Variants in CYP4F12 observed in about 807,000 individuals in gnomAD.
CYP4F12 encodes cytochrome P450 4F12.
In CYP4F12, 60 loss-of-function variants were observed where a neutral mutation model predicts 56.5. The observed-to-expected ratio is 1.06, with a 90% confidence interval of 0.86 to 1.32. CYP4F12 has a LOEUF of 1.32. CYP4F12 is among the 40% of genes most tolerant of loss of function. The pLI is 0.00. For synonymous variants in CYP4F12, 263 were observed against 264.9 expected (o/e 0.99, Z 0.07); for missense variants, 711 against 683.5 (o/e 1.04, Z -0.45).
chr19:15,697,040 C>A lies in CYP4F12; in HGVS notation c.1530C>A (p.Gly510=). 1 of 1,614,070 alleles carries A rather than the reference C, an allele frequency of 6.2e-7. No individual in the cohort carries two copies. The highest frequency in any genetic ancestry group is 8.5e-7 in the Non-Finnish European group (1 of 1,179,926). ...RKLELIMRAE[G]GLWLRVEPLN... is the part of the protein sequence containing the mutation. ...TGGAATTGATCATGCGCGCCGAGGG[C>A]GGGCTTTGGCTGCGGGTGGAGCCCC... The change falls in exon 13 of 13, where the codon GGC becomes GGA. Residue 510 remains glycine (G), a synonymous_variant. Transcript: ENST00000550308.
At chr19:15,680,197 C>A (rs1454537762) in intron 3 of CYP4F12, 47 bp from the exon 4 acceptor site, 1 of 1,553,222 alleles carries the variant, frequency 6.4e-7, no homozygotes, top group African/African-American at 1.4e-5. Context: ...ACCTGAAGTT[C>A]CTCTCTTGCC....
At chr19:15,696,818 T>C in intron 12 of CYP4F12, 90 bp from the exon 13 acceptor site, 1 of 1,464,792 alleles carries the variant, frequency 6.8e-7, no homozygotes, top group South Asian at 1.4e-5. Flanking sequence ...CTGAGCTGGG[T>C]GCAGTTGGGG....
chr19:15,694,864 C>G (rs930965141), intron 9 of CYP4F12, among the ~76,000 whole-genome samples: 104 of 152,174 alleles, frequency 6.8e-4, no homozygotes, highest in African/African-American at 2.1e-3. Context: ...AGGTGCTGGA[C>G]AGGATGTGGA....
intron 11 of CYP4F12, 65 bp from the exon 12 acceptor site, chr19:15,696,365 G>C (rs688256): frequency 0.25 from 397,184 of 1,611,012 alleles, 51,364 homozygotes; most frequent in African/African-American, 0.4. Flanking sequence ...ACACACACAA[G>C]TGTCTCTCCA....
chr19:15,680,358 T>A (rs1376637050), intron 4 of CYP4F12, 34 bp from the exon 5 acceptor site: 1 of 1,613,798 alleles, frequency 6.2e-7, no homozygotes, highest in East Asian at 2.2e-5. Context: ...GGGGAAGTGC[T>A]GCTCTTGCCC....
At chr19:15,695,503 T>TAAAAA (rs71176772) in intron 9 of CYP4F12, among the ~76,000 whole-genome samples, 3 of 112,654 alleles carry the variant, frequency 2.7e-5, no homozygotes, top group African/African-American at 8.9e-5. Context: ...ATAATAATAA[T>TAAAAA]AAAAAAAAAA....
chr19:15,690,937 T>C (rs1329517698), intron 9 of CYP4F12, among the ~76,000 whole-genome samples: 1 of 152,214 alleles, frequency 6.6e-6, no homozygotes, highest in African/African-American at 2.4e-5. Context: ...ATTCCTTATA[T>C]TTTTTGTCCT....
intron 2 of CYP4F12, among the ~76,000 whole-genome samples, chr19:15,677,536 ACTCG>A (rs1456823894): frequency 3.5e-5 from 2 of 56,352 alleles, no homozygotes; most frequent in African/African-American, 1.6e-4. Flanking sequence ...TCCTCTCCTC[ACTCG>A]CTCATTCCTC....
intron 2 of CYP4F12, among the ~76,000 whole-genome samples, chr19:15,675,175 C>T (rs10404376): frequency 0.34 from 48,172 of 140,362 alleles, 9,638 homozygotes; most frequent in Middle Eastern, 0.5. Context: ...CACTCCCTTC[C>T]CCTTTCAGAA....
intron 2 of CYP4F12, among the ~76,000 whole-genome samples, chr19:15,676,993 T>C (rs1270204394): frequency 6.7e-6 from 1 of 150,232 alleles, no homozygotes; most frequent in Non-Finnish European, 1.5e-5. Flanking sequence ...ATTCCTCTCC[T>C]CACTCACTCA....
In CYP4F12 at chr19:15,693,226, A is replaced by G. The variant is rs1338824331; in HGVS notation, c.1116-2710A>G. On this transcript the variant is annotated intron_variant, in intron 9 of 12. Transcript: ENST00000550308. ...GGGGAGAAGTAAATGGCATTGGGCC[A>G]TAGGAGTGAATTATGTTTTATAGTT... Among the ~76,000 whole-genome samples the G allele has an allele frequency of 2.6e-5, 4 of 152,366 alleles. No homozygotes were observed. In the East Asian group the frequency reaches 7.7e-4, roughly 29 times the overall value.
At chr19:15,692,481 A>G (rs145578918) in intron 9 of CYP4F12, among the ~76,000 whole-genome samples, 1 of 152,260 alleles carries the variant, frequency 6.6e-6, no homozygotes, top group East Asian at 1.9e-4. Context: ...ATGCATATAA[A>G]TTCTATGCCC....
intron 6 of CYP4F12, 117 bp downstream of exon 6, chr19:15,682,627 G>A (rs1019229623): frequency 1.4e-6 from 2 of 1,466,406 alleles, no homozygotes; most frequent in East Asian, 4.8e-5. Context: ...TATCATAGCT[G>A]TGCTTTGAAG....
chr19:15,685,140 G>C lies in CYP4F12; in HGVS notation c.1058G>C (p.Arg353Pro). ...NLARHPEYQE[R>P]CRQEVQELLK... ...GCGAGGCACCCAGAATACCAGGAGC[G>C]CTGCCGACAGGAGGTGCAAGAGCTT... is the stretch of plus-strand genomic sequence containing the variant. The change falls in exon 9 of 13, where the codon CGC (arginine) becomes CCC (proline). Residue 353 changes from arginine (R) to proline (P), a missense_variant. Physicochemically the swap from Arg to Pro is moderately radical, Grantham distance 103. Coordinates refer to ENST00000550308, the MANE Select transcript of CYP4F12 (RefSeq NM_023944.4). The C allele has an allele frequency of 6.2e-7, 1 of 1,614,202 alleles. No homozygotes were observed. The highest frequency in any genetic ancestry group is 8.5e-7 in the Non-Finnish European group (1 of 1,180,036).
At chr19:15,685,299 C>CA in intron 9 of CYP4F12, 102 bp downstream of exon 9, 2 of 1,497,128 alleles carry the variant, frequency 1.3e-6, no homozygotes, top group Non-Finnish European at 1.8e-6. Context: ...TCCACTATTG[C>CA]TTAGTGGGTA....
At chr19:15,685,584 G>A (rs553119759) in intron 9 of CYP4F12, among the ~76,000 whole-genome samples, 1 of 152,230 alleles carries the variant, frequency 6.6e-6, no homozygotes, top group East Asian at 1.9e-4. Flanking sequence ...TTCCATTATT[G>A]CTTAGTAGTA....
rs1364159881 is a variant in CYP4F12, at chr19:15,683,604, G to A, written c.759G>A (p.Gly253=). The change falls in exon 7 of 13, where the codon GGG becomes GGA. Residue 253 remains glycine, a synonymous_variant. Transcript: ENST00000550308. ...MDFLYYLSHD[G]RRFHRACRLV... ...TTCTGTATTACCTCTCCCATGACGG[G>A]CGGCGCTTCCACAGGGCCTGCCGCC... 1 of 1,614,068 alleles carries A rather than the reference G, an allele frequency of 6.2e-7. No homozygotes were observed. Among genetic ancestry groups the A allele is most frequent in the Non-Finnish European group, 8.5e-7 (1 of 1,180,030 alleles).
intron 9 of CYP4F12, among the ~76,000 whole-genome samples, chr19:15,687,668 A>T (rs139197002): frequency 2.0e-5 from 3 of 152,308 alleles, no homozygotes; most frequent in Non-Finnish European, 2.9e-5. Context: ...AGGGGGAGAG[A>T]CTGCTTCCTA....
chr19:15,683,724 C>A lies in CYP4F12; in HGVS notation c.879C>A (p.Ser293=). 2 of 1,589,948 alleles carry A rather than the reference C, an allele frequency of 1.3e-6. No individual in the cohort carries two copies. The highest frequency in any genetic ancestry group is 1.7e-6 in the Non-Finnish European group (2 of 1,168,966). ...IDDFFKDKAK[S]KTLDFIDVLL... ...ATTTTTTCAAAGACAAAGCCAAGTCCAAGACTTTGGATTTCATTGATGTGC... is the reference window on the plus strand; with the variant it reads ...ATTTTTTCAAAGACAAAGCCAAGTCAAAGACTTTGGATTTCATTGATGTGC... The change falls in exon 7 of 13, where the codon TCC becomes TCA. Residue 293 remains serine, a synonymous_variant. Coordinates refer to ENST00000550308, the MANE Select transcript of CYP4F12 (RefSeq NM_023944.4).
Sources: gnomAD v4.1 joint callset for allele counts (sites outside exome capture counted in the v4.1 genomes callset) on GRCh38, gnomAD v4.1.1 for gene constraint, MANE v1.5 for transcripts, NCBI Gene and HGNC (gene_info 2026-07-23, HGNC 2026-07-21) for gene names.